The following UBE2H variants were observed in gnomAD, a reference collection of about 807,000 sequenced individuals.
UBE2H encodes the protein ubiquitin-conjugating enzyme E2 H.
In UBE2H, 3 loss-of-function variants were observed where a neutral mutation model predicts 29.0. The ratio of observed to expected loss-of-function variants is 0.10; its 90% CI spans 0.05 to 0.27. The LOEUF (loss-of-function observed/expected upper bound fraction) is 0.27, where lower values mean the gene tolerates loss of function less well. UBE2H is among the 10% of genes least tolerant of loss of function. The pLI is 1.00. For missense variants in UBE2H, 68 were observed against 228.2 expected (o/e 0.30, Z 4.52); for synonymous variants, 69 against 82.9 (o/e 0.83, Z 0.91).
At chr7:129,839,603 A>G (rs1246323380) in intron 5 of UBE2H, 1 of 347,876 alleles carries the variant, frequency 2.9e-6, no homozygotes, top group Non-Finnish European at 5.2e-6. Context: ...CTCTATTTAT[A>G]TGGCTATTTC....
At chr7:129,855,712 A>C (rs1300942936) in intron 5 of UBE2H, among the ~76,000 whole-genome samples, 1 of 152,192 alleles carries the variant, frequency 6.6e-6, no homozygotes, top group Non-Finnish European at 1.5e-5. Context: ...AATAATATAC[A>C]AATACCAGTT....
chr7:129,834,819 T>C lies in UBE2H; in HGVS notation c.*118A>G. On this transcript the variant is annotated 3_prime_UTR_variant, in exon 7 of 7. Coordinates refer to ENST00000355621, the MANE Select transcript of UBE2H (RefSeq NM_003344.4). ...TATAATATATATATATCAATGCTAT[T>C]ATTCATAAAAACCTTGTTTAGTAAT... 7 of 1,168,142 alleles carry C rather than the reference T, an allele frequency of 6.0e-6. No homozygotes were observed. In the South Asian group the frequency reaches 1.1e-4, roughly 18 times the overall value. 72.4% of individuals were successfully genotyped at this position (1,168,142 alleles called of 1,614,324 possible). A position where few individuals can be genotyped will look rare whatever the true frequency, so the allele number is the denominator to read the frequency against.
At chr7:129,874,702 G>A (rs557201183) in intron 3 of UBE2H, among the ~76,000 whole-genome samples, 2 of 152,180 alleles carry the variant, frequency 1.3e-5, no homozygotes, top group South Asian at 4.1e-4. Flanking sequence ...CTAAAGAGGG[G>A]CATTTTTCAG....
chr7:129,911,652 T>C (rs1806940910), intron 1 of UBE2H, among the ~76,000 whole-genome samples: 1 of 152,082 alleles, frequency 6.6e-6, no homozygotes, highest in Non-Finnish European at 1.5e-5. Context: ...TTAATTATTT[T>C]TTAGAGACAG....
chr7:129,924,914 C>CT (rs1563048136), intron 1 of UBE2H, among the ~76,000 whole-genome samples: 2 of 151,612 alleles, frequency 1.3e-5, no homozygotes, highest in Non-Finnish European at 2.9e-5. Context: ...ATCAGGTCCT[C>CT]TGAGTTAAAG....
At chr7:129,936,368 G>C (rs1460451073) in intron 1 of UBE2H, among the ~76,000 whole-genome samples, 5 of 152,116 alleles carry the variant, frequency 3.3e-5, no homozygotes. Flanking sequence ...GCCGAGGCGG[G>C]CAGATCACGA....
intron 1 of UBE2H, among the ~76,000 whole-genome samples, chr7:129,937,084 C>A (rs1241553440): frequency 6.6e-6 from 1 of 152,052 alleles, no homozygotes; most frequent in East Asian, 1.9e-4. Flanking sequence ...AGTCCCAGCA[C>A]TCTGGGAGGC....
chr7:129,937,826 A>T (rs1004622408), intron 1 of UBE2H, among the ~76,000 whole-genome samples: 2 of 152,220 alleles, frequency 1.3e-5, no homozygotes, highest in Non-Finnish European at 2.9e-5. Context: ...TTTATTCATT[A>T]TCAAGATGGT....
rs370289431 is a variant in UBE2H at position 129,835,257 on chromosome 7, T to C, written c.428-196A>G. ...CTTCTTTGGGACAGGGTTTCTGCAT[T>C]TTGCCCCCTGAGGAAAGGGGTATTG... On this transcript the variant is annotated intron_variant, in intron 6 of 6. Transcript: ENST00000355621. Among the ~76,000 whole-genome samples the C allele has an allele frequency of 5.9e-5, 9 of 152,198 alleles. No homozygotes were observed. The East Asian group carries it at 9.6e-4, about 16-fold the overall frequency.
At chr7:129,920,547 C>CA (rs1249272785) in intron 1 of UBE2H, among the ~76,000 whole-genome samples, 8 of 151,780 alleles carry the variant, frequency 5.3e-5, no homozygotes, top group African/African-American at 1.7e-4. Context: ...AATATTGAAT[C>CA]AAAATGTATA....
intron 5 of UBE2H, among the ~76,000 whole-genome samples, chr7:129,851,299 C>T (rs1248922174): frequency 6.6e-6 from 1 of 152,142 alleles, no homozygotes; most frequent in Non-Finnish European, 1.5e-5. Flanking sequence ...ACCTTATAAC[C>T]CTGCTTACCT....
chr7:129,931,145 G>A (rs1807386363), intron 1 of UBE2H, among the ~76,000 whole-genome samples: 2 of 151,816 alleles, frequency 1.3e-5, no homozygotes, highest in Non-Finnish European at 2.9e-5. Context: ...TTGAACCCAG[G>A]AGGCACAGGT....
Position 129,952,737 on chromosome 7 carries a change from CGGGTGG to C in UBE2H, c.-188_-183del, listed in dbSNP as rs926841895. ...GGGGGAACACCGGGCACTGTCCGGC[CGGGTGG>C]GGGTGGGGACCCTGCGGCGCCCGGC... On this transcript the variant is annotated 5_prime_UTR_variant, in exon 1 of 7. Coordinates refer to ENST00000355621, the MANE Select transcript of UBE2H (RefSeq NM_003344.4). 3.3e-5 allele frequency: 19 copies of C among 576,728 alleles called. No homozygotes were observed. The highest frequency in any genetic ancestry group is 4.4e-5 in the Non-Finnish European group (17 of 386,380). The allele number at this position is 576,728 out of a possible 1,614,324, so 35.7% of individuals were successfully genotyped here.
intron 3 of UBE2H, among the ~76,000 whole-genome samples, chr7:129,868,683 C>A (rs2466987): frequency 6.6e-6 from 1 of 151,648 alleles, no homozygotes; most frequent in Non-Finnish European, 1.5e-5. Context: ...GAGGTGGCAG[C>A]CTGGGGAATG....
At chr7:129,900,649 T>C (rs1385551757) in intron 1 of UBE2H, among the ~76,000 whole-genome samples, 2 of 152,184 alleles carry the variant, frequency 1.3e-5, no homozygotes, top group Admixed American at 6.5e-5. Context: ...CTTTAAGTTT[T>C]AGGGTACATG....
intron 1 of UBE2H, among the ~76,000 whole-genome samples, chr7:129,930,699 G>A (rs1371749743): frequency 6.9e-6 from 1 of 144,776 alleles, no homozygotes; most frequent in African/African-American, 2.6e-5. Flanking sequence ...ACGAGGTTAG[G>A]AAATCGAGAC....
At chr7:129,949,069 C>G (rs1263775713) in intron 1 of UBE2H, 1 of 456,378 alleles carries the variant, frequency 2.2e-6, no homozygotes, top group South Asian at 1.6e-5. Flanking sequence ...TACGCTTTTC[C>G]AAAACAAGCA....
chr7:129,891,418 C>G (rs888582314), intron 1 of UBE2H, among the ~76,000 whole-genome samples: 3 of 152,132 alleles, frequency 2.0e-5, no homozygotes, highest in Non-Finnish European at 4.4e-5. Context: ...CATTACCTCA[C>G]TCACAGAATT....
At chr7:129,948,922 C>T (rs1233144131) in intron 1 of UBE2H, 1 of 419,666 alleles carries the variant, frequency 2.4e-6, no homozygotes. Context: ...CCAGCCCCCA[C>T]CTCTTTTGTA....
Sources: gnomAD v4.1 joint callset for allele counts (sites outside exome capture counted in the v4.1 genomes callset) on GRCh38, gnomAD v4.1.1 for gene constraint, MANE v1.5 for transcripts, NCBI Gene and HGNC (gene_info 2026-07-23, HGNC 2026-07-21) for gene names.